The following DLG2 variants were observed in gnomAD, a reference collection of about 807,000 sequenced individuals.
The protein encoded by DLG2 is discs large MAGUK scaffold protein 2, also known as disks large homolog 2.
A neutral mutation model predicts 132.5 loss-of-function variants in DLG2; 45 were observed. The observed-to-expected ratio is 0.34, with a 90% CI of 0.27 to 0.44. The LOEUF (loss-of-function observed/expected upper bound fraction) is 0.44. DLG2 is among the 20% of genes least tolerant of loss of function. The probability of loss-of-function intolerance (pLI) is 1.00; values close to 1 mark genes in which losing one functional copy is unlikely to be tolerated. For missense variants in DLG2, 1,045 were observed against 1,196.9 expected (o/e 0.87, Z 1.87); for synonymous variants, 424 against 419.6 (o/e 1.01, Z -0.13).
In DLG2 at chr11:83,885,528, G is replaced by T. The variant is rs573170979; in HGVS notation, c.1497-11040C>A. Reference sequence around the variant, plus strand: ...AATCAAGCTGGAAAACACTCTACAGGATATTATCCAGGAGAACTTCCCCAA... The same window carrying T: ...AATCAAGCTGGAAAACACTCTACAGTATATTATCCAGGAGAACTTCCCCAA... On this transcript the variant is annotated intron_variant, in intron 15 of 27. Coordinates refer to ENST00000376104, the MANE Select transcript of DLG2 (RefSeq NM_001142699.3). 1.3e-3 allele frequency among the ~76,000 whole-genome samples: 195 copies of T among 152,284 alleles called. 1 individual carries two copies. The highest frequency in any genetic ancestry group is 1.2e-3 in the Non-Finnish European group (83 of 68,030).
intron 5 of DLG2, among the ~76,000 whole-genome samples, chr11:85,123,259 G>A (rs1156401926): frequency 6.6e-6 from 1 of 152,044 alleles, no homozygotes; most frequent in South Asian, 2.1e-4. Flanking sequence ...TTACAGGCGT[G>A]AGCCACCATG....
At chr11:84,849,814 T>C (rs541277278) in intron 6 of DLG2, among the ~76,000 whole-genome samples, 1 of 152,292 alleles carries the variant, frequency 6.6e-6, no homozygotes, top group Admixed American at 6.5e-5. Flanking sequence ...AAAAGACCTA[T>C]GACATTATCT....
At chr11:83,986,224 AAC>A (rs1377344161) in intron 11 of DLG2, among the ~76,000 whole-genome samples, 1 of 107,302 alleles carries the variant, frequency 9.3e-6, no homozygotes, top group Non-Finnish European at 1.9e-5. Context: ...CACACCCCAC[AAC>A]AGTCCCCAGA....
At chr11:85,107,927 T>TAAAAAAAAA (rs5793156) in intron 6 of DLG2, among the ~76,000 whole-genome samples, 1 of 26,270 alleles carries the variant, frequency 3.8e-5, no homozygotes, top group African/African-American at 1.6e-4. Flanking sequence ...GGACAAGTCT[T>TAAAAAAAAA]AAAAAAAAAA....
intron 4 of DLG2, among the ~76,000 whole-genome samples, chr11:85,241,768 C>A (rs915075908): frequency 1.3e-5 from 2 of 151,916 alleles, no homozygotes; most frequent in African/African-American, 4.8e-5. Context: ...TCTATAAATT[C>A]TTTCTCCTTG....
chr11:85,511,664 G>T (rs929425713), intron 3 of DLG2, among the ~76,000 whole-genome samples: 5 of 151,062 alleles, frequency 3.3e-5, no homozygotes, highest in Non-Finnish European at 7.4e-5. Flanking sequence ...AAGATTAAAT[G>T]TTTCAATTAT....
At position 84,378,365 on chromosome 11, in the gene DLG2, C is replaced by G. The variant is rs145587770; in HGVS notation, c.520-127074G>C. ...CAAGAAAAGGTTCCTCACCAGCAAC[C>G]TAATTTGCTGGCACCTTGATCTTGA... On this transcript the variant is annotated intron_variant, in intron 7 of 27. Coordinates refer to ENST00000376104, the MANE Select transcript of DLG2 (RefSeq NM_001142699.3). Among the ~76,000 whole-genome samples, 1,034 of 152,178 alleles carry G rather than the reference C, an allele frequency of 6.8e-3. 10 individuals carry two copies. The highest frequency in any genetic ancestry group is 0.023 in the African/African-American group (964 of 41,522).
chr11:83,743,984 T>C (rs934735724), intron 18 of DLG2, among the ~76,000 whole-genome samples: 2 of 152,146 alleles, frequency 1.3e-5, no homozygotes, highest in African/African-American at 4.8e-5. Context: ...AAAACTACAT[T>C]TCTCAGACTC....
chr11:84,663,736 G>A (rs776952179), intron 6 of DLG2, among the ~76,000 whole-genome samples: 2 of 152,132 alleles, frequency 1.3e-5, no homozygotes, highest in South Asian at 2.1e-4. Flanking sequence ...ACCTGAACCT[G>A]TTTGTAGGCC....
intron 18 of DLG2, among the ~76,000 whole-genome samples, chr11:83,672,940 T>C (rs1301326765): frequency 6.6e-6 from 1 of 152,156 alleles, no homozygotes; most frequent in Non-Finnish European, 1.5e-5. Flanking sequence ...CACACACCTG[T>C]AGTCCTAGCT....
At chr11:85,295,018 C>T (rs2079130982) in intron 3 of DLG2, among the ~76,000 whole-genome samples, 1 of 152,066 alleles carries the variant, frequency 6.6e-6, no homozygotes, top group Non-Finnish European at 1.5e-5. Flanking sequence ...AAAAAGCAGG[C>T]ACTAAATAAA....
At chr11:84,110,146 G>A (rs2093258334) in intron 9 of DLG2, among the ~76,000 whole-genome samples, 1 of 152,120 alleles carries the variant, frequency 6.6e-6, no homozygotes, top group Non-Finnish European at 1.5e-5. Flanking sequence ...AACACATATA[G>A]GAGGGTGAAG....
At chr11:83,728,027 C>T (rs1027762682) in intron 18 of DLG2, among the ~76,000 whole-genome samples, 1 of 152,158 alleles carries the variant, frequency 6.6e-6, no homozygotes, top group African/African-American at 2.4e-5. Flanking sequence ...CTAGAATCTT[C>T]AGCCTCAAAC....
At chr11:84,818,232 A>G (rs2077283115) in intron 6 of DLG2, among the ~76,000 whole-genome samples, 1 of 151,984 alleles carries the variant, frequency 6.6e-6, no homozygotes, top group Non-Finnish European at 1.5e-5. Context: ...GTCTCTATTT[A>G]TTACTCATCC....
rs556986674 is a variant in DLG2, at chr11:85,370,984, C to T, written c.41-85619G>A. Among the ~76,000 whole-genome samples, 9 of 152,142 alleles carry T rather than the reference C, an allele frequency of 5.9e-5. No homozygotes were observed. The East Asian group carries it at 1.7e-3, about 29-fold the overall frequency. On this transcript the variant is annotated intron_variant, in intron 3 of 27. Coordinates refer to ENST00000376104, the MANE Select transcript of DLG2 (RefSeq NM_001142699.3). Reference sequence around the variant, plus strand: ...ATTGTTATGTTAAGTTATTGTAAGCCATGGAGTTAACCAAACTTCTCTGAC... The same window carrying T: ...ATTGTTATGTTAAGTTATTGTAAGCTATGGAGTTAACCAAACTTCTCTGAC...
intron 3 of DLG2, among the ~76,000 whole-genome samples, chr11:85,302,462 A>G (rs764269829): frequency 6.6e-6 from 1 of 152,108 alleles, no homozygotes; most frequent in Non-Finnish European, 1.5e-5. Context: ...CTGGGCCTAC[A>G]TTCCCCTTCT....
At chr11:83,710,234 C>T (rs2085084151) in intron 18 of DLG2, among the ~76,000 whole-genome samples, 1 of 151,808 alleles carries the variant, frequency 6.6e-6, no homozygotes, top group Non-Finnish European at 1.5e-5. Flanking sequence ...ACCATCTCGG[C>T]TCACTGCAAT....
At chr11:83,790,888 TC>T in intron 17 of DLG2, 1 of 759,588 alleles carries the variant, frequency 1.3e-6, no homozygotes, top group Non-Finnish European at 2.3e-6. Flanking sequence ...AAAGGACACA[TC>T]CCCTCATCTA....
chr11:85,048,882 A>G (rs1396205576), intron 6 of DLG2, among the ~76,000 whole-genome samples: 1 of 152,102 alleles, frequency 6.6e-6, no homozygotes, highest in African/African-American at 2.4e-5. Context: ...GGAGAAATGA[A>G]TAATGTGTTC....
Sources: gnomAD v4.1 joint callset for allele counts (sites outside exome capture counted in the v4.1 genomes callset) on GRCh38, gnomAD v4.1.1 for gene constraint, MANE v1.5 for transcripts, NCBI Gene and HGNC (gene_info 2026-07-23, HGNC 2026-07-21) for gene names.